LMAN1L: variants seen among roughly 807,000 people sequenced by gnomAD.
The protein encoded by LMAN1L is protein ERGIC-53-like.
LMAN1L carries 60 observed loss-of-function variants against 58.3 expected under a neutral mutation model. That is an observed-to-expected ratio of 1.03 (90% confidence interval 0.84 to 1.27). The LOEUF (loss-of-function observed/expected upper bound fraction) is 1.27. Ranked by LOEUF, LMAN1L falls within the 50% of genes most tolerant of loss-of-function variation. The pLI is 0.00. For missense variants in LMAN1L, 629 were observed against 674.0 expected (o/e 0.93, Z 0.74); for synonymous variants, 280 against 271.6 (o/e 1.03, Z -0.31).
chr15:74,814,253 G>A (rs1482998278), intron 1 of LMAN1L, among the ~76,000 whole-genome samples: 3 of 151,198 alleles, frequency 2.0e-5, no homozygotes, highest in Non-Finnish European at 4.4e-5. Context: ...GAGTGCAGTG[G>A]TGTGATCTTG....
At position 74,813,029 on chromosome 15, in the gene LMAN1L, G is replaced by C; in HGVS notation, c.175G>C (p.Asp59His). ...AATACCCTTCTGGAGCCATCATGGA[G>C]GTGAGGGGCAGGGGTGGGGACCAGC... The part of the protein sequence containing the change: ...AGIPFWSHHG[D>H]AILGLEEVRL... Residue 59 changes from aspartate (D) to histidine (H), a missense_variant and splice_region_variant, in exon 1 of 14, where the codon GAC becomes CAC. Coordinates refer to ENST00000309664, the MANE Select transcript of LMAN1L (RefSeq NM_021819.3). 6.2e-7 allele frequency: 1 copy of C among 1,611,316 alleles called. No homozygotes were observed. The highest frequency in any genetic ancestry group is 8.5e-7 in the Non-Finnish European group (1 of 1,178,606).
chr15:74,819,442 G>A, intron 6 of LMAN1L, 170 bp downstream of exon 6: 1 of 831,774 alleles, frequency 1.2e-6, no homozygotes, highest in South Asian at 2.0e-5. Context: ...AGTCTCAAAT[G>A]GGATAAAACA....
Position 74,821,174 on chromosome 15 carries a change from A to C in LMAN1L, c.1007A>C (p.Gln336Pro). 3.2e-6 allele frequency: 5 copies of C among 1,551,952 alleles called. No individual in the cohort carries two copies. The highest frequency in any genetic ancestry group is 3.5e-6 in the Non-Finnish European group (4 of 1,148,002). The stretch of plus-strand genomic sequence containing the variant: ...AAGCAGCTGGCCCAGGCTGAGAGAC[A>C]ATGGAAGAAGCAGCTGGGGCCCCCA... The part of the protein sequence containing the change: ...LSKQLAQAER[Q>P]WKKQLGPPGQ... The change falls in exon 9 of 14, where the codon CAA (glutamine) becomes CCA (proline). Residue 336 changes from glutamine (Q) to proline (P), a missense_variant. By Grantham distance (76) the Gln-to-Pro change is moderately conservative. Around this residue, in one of 3 missense-constraint regions of LMAN1L, gnomAD observed 573 missense variants for 597.3 expected, o/e 0.96. Transcript: ENST00000309664.
Position 74,818,739 on chromosome 15 carries a change from G to A in LMAN1L, c.519G>A (p.Leu173=), listed in dbSNP as rs2063903458. The A allele has an allele frequency of 6.2e-7, 1 of 1,610,320 alleles. No homozygotes were observed. ...ACAGGGATGGAGCTAGCCAAGGGCT[G>A]GGCTCCTGTCATTGGGACTTCCGGA... ...EQPGDGASQG[L]GSCHWDFRNR... The change falls in exon 5 of 14, where the codon CTG becomes CTA. Residue 173 remains leucine, a synonymous_variant. Transcript: ENST00000309664.
rs550948566 is a variant in LMAN1L at position 74,814,124 on chromosome 15, C to CAA, written c.175+1112_175+1113dup. On this transcript the variant is annotated intron_variant, in intron 1 of 13. Transcript: ENST00000309664. The stretch of plus-strand genomic sequence containing the variant: ...CTGGGCACAGAGCCAGACTCTGGCT[C>CAA]AAAAAAAAAAAAAAAAAAGATGTGA... Among the ~76,000 whole-genome samples the CAA allele has an allele frequency of 6.5e-3, 418 of 64,088 alleles. 2 individuals carry two copies. The highest frequency in any genetic ancestry group is 0.018 in the Middle Eastern group (2 of 112). The allele number at this position is 64,088 out of a possible 152,430, so 42.0% of individuals were successfully genotyped here. A position where few individuals can be genotyped will look rare whatever the true frequency, so the allele number is the denominator to read the frequency against.
intron 12 of LMAN1L, 166 bp downstream of exon 12, chr15:74,823,848 CAT>C: frequency 1.5e-6 from 1 of 681,872 alleles, no homozygotes; most frequent in Non-Finnish European, 2.4e-6. Context: ...TGTGTCCGTG[CAT>C]ACGTGCCACC....
intron 6 of LMAN1L, 91 bp from the exon 7 acceptor site, chr15:74,819,953 C>A: frequency 8.2e-7 from 1 of 1,222,378 alleles, no homozygotes; most frequent in Non-Finnish European, 1.2e-6. Flanking sequence ...CCTCTTGCCT[C>A]GGTGGGATAT....
intron 1 of LMAN1L, chr15:74,813,407 G>T (rs1255868913): frequency 2.2e-6 from 1 of 463,092 alleles, no homozygotes; most frequent in South Asian, 1.5e-5. Flanking sequence ...CCACTCTCCC[G>T]GCTCCATCCC....
chr15:74,820,195 C>G (rs886941292), intron 7 of LMAN1L, 96 bp downstream of exon 7: 1 of 1,101,180 alleles, frequency 9.1e-7, no homozygotes, highest in Non-Finnish European at 1.4e-6. Flanking sequence ...CAGCCCTTAC[C>G]TCCACCTGGC....
At position 74,821,194 on chromosome 15, in the gene LMAN1L, C is replaced by T. The variant is rs760126926; in HGVS notation, c.1027C>T (p.Pro343Ser). The T allele has an allele frequency of 5.2e-6, 8 of 1,550,232 alleles. No homozygotes were observed. The highest frequency in any genetic ancestry group is 7.0e-6 in the Non-Finnish European group (8 of 1,147,328). ...GAGACAATGGAAGAAGCAGCTGGGG[C>T]CCCCAGGCCAAGCCAGGCCTGACGG... is the stretch of plus-strand genomic sequence containing the variant. ...AERQWKKQLG[P>S]PGQARPDGGW... The change falls in exon 9 of 14, where the codon CCC becomes TCC. Residue 343 changes from proline (P) to serine (S), a missense_variant. This residue lies in a region of LMAN1L where 573 missense variants were observed against 597.3 expected (regional missense o/e 0.96). Transcript: ENST00000309664.
At chr15:74,822,226 C>T (rs11631817) in intron 10 of LMAN1L, among the ~76,000 whole-genome samples, 3,376 of 152,156 alleles carry the variant, frequency 0.022, 60 homozygotes, top group East Asian at 0.069. Flanking sequence ...ATTAGCTGGG[C>T]GTGGTGGCAT....
In LMAN1L at chr15:74,825,644, CAGTG is replaced by C; in HGVS notation, c.*40_*43del. On this transcript the variant is annotated 3_prime_UTR_variant, in exon 14 of 14. Transcript: ENST00000309664. ...CTGCTTTGCATCACTGGGAAGCAGG[CAGTG>C]TCTTGGGTGGGGGCTTGGTCAGTAT... 1 of 1,590,078 alleles carries C rather than the reference CAGTG, an allele frequency of 6.3e-7. No homozygotes were observed.
chr15:74,820,167 C>A, intron 7 of LMAN1L, 68 bp downstream of exon 7: 1 of 1,338,800 alleles, frequency 7.5e-7, no homozygotes, highest in Non-Finnish European at 1.1e-6. Flanking sequence ...TGTCATGGTG[C>A]CCTCAGACCT....
intron 13 of LMAN1L, chr15:74,825,236 G>T: frequency 2.4e-6 from 1 of 424,406 alleles, no homozygotes; most frequent in Non-Finnish European, 4.3e-6. Flanking sequence ...ATGCTCACAG[G>T]CTTCAGCACA....
At chr15:74,816,027 GC>G (rs2063888409) in intron 1 of LMAN1L, 129 bp from the exon 2 acceptor site, 2 of 1,179,258 alleles carry the variant, frequency 1.7e-6, no homozygotes, top group African/African-American at 3.1e-5. Flanking sequence ...TCCCTGGCTG[GC>G]CGCTTATTTA....
Position 74,814,770 on chromosome 15 carries a change from A to C in LMAN1L, c.176-1387A>C, listed in dbSNP as rs560068063. ...ATGATCCGCCTGCCTCGGCTTCCCAAAGTGCTGGGATTATAGGCATGAGCC... is the reference window on the plus strand; with the variant it reads ...ATGATCCGCCTGCCTCGGCTTCCCACAGTGCTGGGATTATAGGCATGAGCC... On this transcript the variant is annotated intron_variant, in intron 1 of 13. Coordinates refer to ENST00000309664, the MANE Select transcript of LMAN1L (RefSeq NM_021819.3). 3.3e-5 allele frequency among the ~76,000 whole-genome samples: 5 copies of C among 152,110 alleles called. No homozygotes were observed. The East Asian group carries it at 9.7e-4, about 29-fold the overall frequency.
chr15:74,824,784 T>C (rs1310617890), intron 13 of LMAN1L: 2 of 275,962 alleles, frequency 7.2e-6, no homozygotes, highest in Non-Finnish European at 1.4e-5. Context: ...GAGAACACAC[T>C]TGACCCCCCT....
At chr15:74,813,111 T>C (rs2063873180) in intron 1 of LMAN1L, 82 bp downstream of exon 1, 17 of 1,435,066 alleles carry the variant, frequency 1.2e-5, no homozygotes, top group Non-Finnish European at 1.6e-5. Flanking sequence ...GGAGTGGGTC[T>C]GTCACAGCCA....
At chr15:74,819,494 A>G (rs998134666) in intron 6 of LMAN1L, 6 of 579,278 alleles carry the variant, frequency 1.0e-5, no homozygotes, top group Non-Finnish European at 1.8e-5. Flanking sequence ...AAGTGCCCCT[A>G]GCTGTGAGTT....
Sources: gnomAD v4.1 joint callset for allele counts (sites outside exome capture counted in the v4.1 genomes callset) on GRCh38, gnomAD v4.1.1 for gene constraint, gnomAD v4.1.1 regional missense constraint, MANE v1.5 for transcripts, NCBI Gene and HGNC (gene_info 2026-07-23, HGNC 2026-07-21) for gene names.